AFG3L2: variants seen among roughly 807,000 people sequenced by gnomAD.
AFG3L2 encodes AFG3 like matrix AAA peptidase subunit 2.
In AFG3L2, 54 loss-of-function variants were observed where a neutral mutation model predicts 94.5. The ratio of observed to expected loss-of-function variants is 0.57; its 90% CI spans 0.46 to 0.72. The LOEUF (loss-of-function observed/expected upper bound fraction) is 0.72. Among genes scored for constraint, AFG3L2 ranks in the 30% least tolerant of loss-of-function variants. The pLI, the probability that AFG3L2 is intolerant of heterozygous loss-of-function variation, is 0.00. For synonymous variants in AFG3L2, 377 were observed against 365.5 expected (o/e 1.03, Z -0.36); for missense variants, 754 against 994.9 (o/e 0.76, Z 3.26).
intron 13 of AFG3L2, 32 bp downstream of exon 13, chr18:12,348,241 C>T (rs1388178806): frequency 3.2e-6 from 5 of 1,560,928 alleles, no homozygotes; most frequent in African/African-American, 1.4e-5. Context: ...TTTTATCAGC[C>T]TTTCCACTTG....
At position 12,370,967 on chromosome 18, in the gene AFG3L2, A is replaced by C. The variant is rs1268548474; in HGVS notation, c.215-41T>G. On this transcript the variant is annotated intron_variant, in intron 2 of 16. Coordinates refer to ENST00000269143, the MANE Select transcript of AFG3L2 (RefSeq NM_006796.3). ...AAAAAATACTTATCTTCAAACTAAAATTCATCAGGTTTGTGTTCATTTTGT... is the reference window on the plus strand; with the variant it reads ...AAAAAATACTTATCTTCAAACTAAACTTCATCAGGTTTGTGTTCATTTTGT... 5 of 1,250,250 alleles carry C rather than the reference A, an allele frequency of 4.0e-6. No individual in the cohort carries two copies. In the South Asian group the frequency reaches 6.5e-5, roughly 16 times the overall value. 77.4% of individuals were successfully genotyped at this position (1,250,250 alleles called of 1,614,324 possible). A position where few individuals can be genotyped will look rare whatever the true frequency, so the allele number is the denominator to read the frequency against.
In AFG3L2 at chr18:12,370,402, G is replaced by C. The variant is rs568642251; in HGVS notation, c.292+447C>G. 7.7e-4 allele frequency among the ~76,000 whole-genome samples: 116 copies of C among 151,210 alleles called. 1 individual carries two copies. Among genetic ancestry groups the C allele is most frequent in the Non-Finnish European group, 1.3e-3 (89 of 67,880 alleles). On this transcript the variant is annotated intron_variant, in intron 3 of 16. Coordinates refer to ENST00000269143, the MANE Select transcript of AFG3L2 (RefSeq NM_006796.3). ...AAATTAAGGTGAAATGTAACATAAG[G>C]TCTCTAGAATTTTATATGTACTTGC...
chr18:12,358,483 T>C (rs989134545), intron 8 of AFG3L2, among the ~76,000 whole-genome samples, 187 bp downstream of exon 8: 2 of 152,062 alleles, frequency 1.3e-5, no homozygotes, highest in African/African-American at 4.8e-5. Context: ...ATACATACAC[T>C]ATACAAGACA....
intron 1 of AFG3L2, among the ~76,000 whole-genome samples, chr18:12,375,640 G>T (rs937514491): frequency 3.9e-5 from 6 of 152,192 alleles, no homozygotes; most frequent in Non-Finnish European, 7.3e-5. Context: ...CCACCGCCCA[G>T]GTTCACGCCA....
chr18:12,350,616 T>G (rs1467887324), intron 12 of AFG3L2, among the ~76,000 whole-genome samples: 1 of 152,224 alleles, frequency 6.6e-6, no homozygotes, highest in Non-Finnish European at 1.5e-5. Flanking sequence ...CACCATTTCC[T>G]CAAAATCTGT....
intron 3 of AFG3L2, among the ~76,000 whole-genome samples, chr18:12,370,016 C>T (rs1301942705): frequency 1.4e-5 from 2 of 142,716 alleles, no homozygotes; most frequent in African/African-American, 5.3e-5. Context: ...GATCATGCCA[C>T]TGCACTCCAG....
chr18:12,362,350 A>G (rs749653166), intron 6 of AFG3L2, among the ~76,000 whole-genome samples: 2 of 152,222 alleles, frequency 1.3e-5, no homozygotes, highest in Admixed American at 6.5e-5. Flanking sequence ...AGCAGGTAAT[A>G]TACATTCGCT....
chr18:12,329,969 T>A (rs1009800824), intron 16 of AFG3L2, 186 bp from the exon 17 acceptor site: 2 of 617,352 alleles, frequency 3.2e-6, no homozygotes, highest in Non-Finnish European at 5.7e-6. Context: ...CCAATGTCCA[T>A]CTGTAAGGGA....
In AFG3L2 at chr18:12,337,469, T is replaced by C. The variant is rs751855138; in HGVS notation, c.2047A>G (p.Met683Val). The C allele has an allele frequency of 9.3e-6, 15 of 1,614,102 alleles. No homozygotes were observed. The African/African-American group carries it at 1.7e-4, about 19-fold the overall frequency. ...ISFDLPRQGDMVLEKPYSEAT... is the reference protein window; with the variant it reads ...ISFDLPRQGDVVLEKPYSEAT... ...TCACTGTAAGGTTTCTCCAATACCA[T>C]GTCCCCCTGACGTGGGAGGTCAAAG... The change falls in exon 16 of 17, where the codon ATG (methionine) becomes GTG (valine). Residue 683 changes from methionine (M) to valine (V), a missense_variant. By Grantham distance (21) the Met-to-Val change is conservative (BLOSUM62 1). Transcript: ENST00000269143.
chr18:12,332,940 CATATA>C (rs1480187986), intron 16 of AFG3L2, among the ~76,000 whole-genome samples: 12 of 112,202 alleles, frequency 1.1e-4, no homozygotes, highest in South Asian at 9.8e-4. Context: ...TACTATATAA[CATATA>C]ATATATTATA....
intron 1 of AFG3L2, among the ~76,000 whole-genome samples, chr18:12,373,750 C>A (rs1909060898): frequency 6.6e-6 from 1 of 152,088 alleles, no homozygotes; most frequent in Non-Finnish European, 1.5e-5. Context: ...AGGTCAATGG[C>A]AAAGCAGCCA....
In AFG3L2 at chr18:12,376,983, G is replaced by A; in HGVS notation, c.100C>T (p.Pro34Ser). ...GTAGGACTCACCGTCCGGAGGCAGG[G>A]CTGCTCGCCCGGGCCCACGCCGCCA... is the stretch of plus-strand genomic sequence containing the variant. The part of the protein sequence containing the change: ...VPGGVGPGEQ[P>S]CLRTLYRFVT... The change falls in exon 1 of 17, where the codon CCC becomes TCC. Residue 34 changes from proline (P) to serine (S), a missense_variant. Around this residue, in one of 4 missense-constraint regions of AFG3L2, gnomAD observed 236 missense variants for 214.0 expected, o/e 1.10. Coordinates refer to ENST00000269143, the MANE Select transcript of AFG3L2 (RefSeq NM_006796.3). 1 of 1,460,640 alleles carries A rather than the reference G, an allele frequency of 6.8e-7. No individual in the cohort carries two copies. Among genetic ancestry groups the A allele is most frequent in the South Asian group, 1.3e-5 (1 of 76,062 alleles). The allele number at this position is 1,460,640 out of a possible 1,614,324, so 90.5% of individuals were successfully genotyped here.
chr18:12,355,999 G>C (rs990731368), intron 9 of AFG3L2, among the ~76,000 whole-genome samples: 2 of 151,790 alleles, frequency 1.3e-5, no homozygotes, highest in Non-Finnish European at 2.9e-5. Flanking sequence ...TAATGGAAAT[G>C]TTGTAAAACT....
chr18:12,348,008 G>A lies in AFG3L2; in HGVS notation c.1663+265C>T, dbSNP rs117196124. On this transcript the variant is annotated intron_variant, in intron 13 of 16. Coordinates refer to ENST00000269143, the MANE Select transcript of AFG3L2 (RefSeq NM_006796.3). ...GCTGCTGGCTGCCTGTGCAAGCAAAGCATTCGTGAGCTGCCATCTCAAACT... is the reference window on the plus strand; with the variant it reads ...GCTGCTGGCTGCCTGTGCAAGCAAAACATTCGTGAGCTGCCATCTCAAACT... Among the ~76,000 whole-genome samples, 444 of 152,294 alleles carry A rather than the reference G, an allele frequency of 2.9e-3. 3 individuals carry two copies. Among genetic ancestry groups the A allele is most frequent in the East Asian group, 6.2e-3 (32 of 5,182 alleles).
At chr18:12,344,546 C>G (rs1030808484) in intron 13 of AFG3L2, among the ~76,000 whole-genome samples, 3 of 151,888 alleles carry the variant, frequency 2.0e-5, no homozygotes, top group African/African-American at 7.3e-5. Context: ...TCGTGGTGAG[C>G]GCCTGTACTC....
chr18:12,330,812 T>C (rs1386038528), intron 16 of AFG3L2, among the ~76,000 whole-genome samples: 1 of 149,342 alleles, frequency 6.7e-6, no homozygotes. Context: ...GCAGGAGCCA[T>C]CAGCTTAGGG....
chr18:12,340,298 G>A lies in AFG3L2; in HGVS notation c.1883C>T (p.Thr628Ile). ...TTCTTCAGAGACTCGACCACCTAAA[G>A]TCATACACATCCTATCCAAGAGCTG... is the stretch of plus-strand genomic sequence containing the variant. ...KEQLLDRMCM[T>I]LGGRVSEEIF... The change falls in exon 15 of 17, where the codon ACT becomes ATT. Residue 628 changes from threonine to isoleucine, a missense_variant. By Grantham distance (89) the Thr-to-Ile change is moderately conservative. Around this residue, in one of 4 missense-constraint regions of AFG3L2, gnomAD observed 279 missense variants for 378.6 expected, o/e 0.74. Coordinates refer to ENST00000269143, the MANE Select transcript of AFG3L2 (RefSeq NM_006796.3). The A allele has an allele frequency of 1.2e-6, 2 of 1,614,078 alleles. No homozygotes were observed. Among genetic ancestry groups the A allele is most frequent in the Non-Finnish European group, 8.5e-7 (1 of 1,179,996 alleles).
At chr18:12,362,687 C>T (rs1719006886) in intron 6 of AFG3L2, among the ~76,000 whole-genome samples, 1 of 152,212 alleles carries the variant, frequency 6.6e-6, no homozygotes, top group South Asian at 2.1e-4. Flanking sequence ...CAGCCGGAAA[C>T]AGAACAGGGA....
rs765707984 is a variant in AFG3L2, at chr18:12,337,549, A to G, written c.1981-14T>C. 4.4e-5 allele frequency: 71 copies of G among 1,613,088 alleles called. 3 individuals carry two copies. In the Middle Eastern group the frequency reaches 2.0e-3, roughly 45 times the overall value. ...AAACTGAACAATCTGAAAAATACAT[A>G]ATTAGTGGTGATTACATATGATTGT... On this transcript the variant is annotated splice_polypyrimidine_tract_variant and intron_variant, in intron 15 of 16. Coordinates refer to ENST00000269143, the MANE Select transcript of AFG3L2 (RefSeq NM_006796.3).
Sources: allele counts gnomAD v4.1 joint callset (sites outside exome capture counted in the v4.1 genomes callset), GRCh38; gene constraint gnomAD v4.1.1; regional missense constraint gnomAD v4.1.1; transcripts MANE v1.5; gene names NCBI Gene and HGNC (gene_info 2026-07-23, HGNC 2026-07-21).